The following HMCN1 variants were observed in gnomAD, a reference collection of about 807,000 sequenced individuals.
The protein encoded by HMCN1 is hemicentin 1, also known as hemicentin-1.
In HMCN1, 321 loss-of-function variants were observed where a neutral mutation model predicts 625.9. That is an observed-to-expected ratio of 0.51 (90% CI 0.47 to 0.56). The LOEUF is 0.56. Among genes scored for constraint, HMCN1 ranks in the 20% least tolerant of loss-of-function variants. The pLI, the probability that HMCN1 is intolerant of heterozygous loss-of-function variation, is 0.00. For missense variants in HMCN1, 6,588 were observed against 6,887.3 expected (o/e 0.96, Z 1.54); for synonymous variants, 2,425 against 2,417.6 (o/e 1.00, Z -0.09).
chr1:185,811,120 T>G (rs1380104380), intron 1 of HMCN1, among the ~76,000 whole-genome samples: 1 of 152,160 alleles, frequency 6.6e-6, no homozygotes, highest in Non-Finnish European at 1.5e-5. Flanking sequence ...CTACATGTCC[T>G]TACATATAGG....
intron 11 of HMCN1, among the ~76,000 whole-genome samples, chr1:185,945,430 A>G (rs575970982): frequency 6.6e-6 from 1 of 152,212 alleles, no homozygotes; most frequent in East Asian, 1.9e-4. Context: ...CACAAAAAAA[A>G]TTGTCAGGCT....
intron 1 of HMCN1, among the ~76,000 whole-genome samples, chr1:185,761,508 A>G (rs1655504342): frequency 6.6e-6 from 1 of 152,162 alleles, no homozygotes; most frequent in South Asian, 2.1e-4. Flanking sequence ...ATCTCAACTC[A>G]TTCACTTTTC....
At chr1:185,803,278 AAAGAT>A (rs1457512529) in intron 1 of HMCN1, among the ~76,000 whole-genome samples, 1 of 151,182 alleles carries the variant, frequency 6.6e-6, no homozygotes, top group African/African-American at 2.4e-5. Context: ...TAAAAAAGGG[AAAGAT>A]AAGGTCCTGT....
intron 9 of HMCN1, among the ~76,000 whole-genome samples, chr1:185,926,481 A>C (rs1046191523): frequency 6.6e-6 from 1 of 152,212 alleles, no homozygotes; most frequent in African/African-American, 2.4e-5. Flanking sequence ...AAATCAAATA[A>C]TTCTGTTTTA....
chr1:185,769,034 G>C (rs190854590), intron 1 of HMCN1, among the ~76,000 whole-genome samples: 2 of 152,228 alleles, frequency 1.3e-5, no homozygotes, highest in Admixed American at 1.3e-4. Context: ...TGAATTAATA[G>C]AATTTTAAAT....
At chr1:186,012,832 A>C (rs1654091630) in intron 30 of HMCN1, among the ~76,000 whole-genome samples, 1 of 152,178 alleles carries the variant, frequency 6.6e-6, no homozygotes, top group African/African-American at 2.4e-5. Context: ...AAAATCGGGA[A>C]TATTGTGGTG....
chr1:185,988,928 T>C (rs929202388), intron 20 of HMCN1, among the ~76,000 whole-genome samples: 2 of 152,162 alleles, frequency 1.3e-5, no homozygotes, highest in African/African-American at 4.8e-5. Flanking sequence ...ATCCTTATCA[T>C]TGCTGTTCTC....
intron 19 of HMCN1, among the ~76,000 whole-genome samples, chr1:185,985,303 G>A (rs1651932398): frequency 6.6e-6 from 1 of 152,154 alleles, no homozygotes; most frequent in African/African-American, 2.4e-5. Flanking sequence ...CTGACAGATT[G>A]GATATGGTTG....
chr1:185,971,398 G>A (rs1015202224), intron 15 of HMCN1, among the ~76,000 whole-genome samples: 5 of 152,098 alleles, frequency 3.3e-5, no homozygotes, highest in African/African-American at 1.2e-4. Flanking sequence ...TCCCTTTTTT[G>A]TCTACCTCAT....
chr1:186,185,225 T>C (rs552955457), intron 105 of HMCN1, among the ~76,000 whole-genome samples: 3 of 152,346 alleles, frequency 2.0e-5, no homozygotes, highest in African/African-American at 4.8e-5. Flanking sequence ...ACCACTATCA[T>C]GGACCCCTGC....
At position 185,865,764 on chromosome 1, in the gene HMCN1, T is replaced by C. The variant is rs1663150520; in HGVS notation, c.522T>C (p.Asp174=). ...QSQVVFVLTG[D]CDDRTHIGYK... is the part of the protein sequence containing the mutation. ...AGGTCGTATTTGTTCTGACTGGAGA[T>C]TGTGATGACAGGACCCATATTGGAT... Residue 174 remains aspartate (D), a synonymous_variant, in exon 4 of 107, where the codon GAT becomes GAC. Coordinates refer to ENST00000271588, the MANE Select transcript of HMCN1 (RefSeq NM_031935.3). The C allele has an allele frequency of 5.0e-6, 8 of 1,611,936 alleles. No homozygotes were observed. Among genetic ancestry groups the C allele is most frequent in the African/African-American group, 1.3e-5 (1 of 74,722 alleles).
chr1:186,185,322 T>C (rs1318596896), intron 105 of HMCN1, among the ~76,000 whole-genome samples: 2 of 152,186 alleles, frequency 1.3e-5, no homozygotes, highest in Non-Finnish European at 2.9e-5. Context: ...ATTTTTTTAA[T>C]GCGAGAAGGA....
intron 95 of HMCN1, 112 bp downstream of exon 95, chr1:186,151,855 CT>C: frequency 9.1e-7 from 1 of 1,104,044 alleles, no homozygotes; most frequent in Non-Finnish European, 1.3e-6. Context: ...TTTACGCAAT[CT>C]TATAAGTGAT....
At chr1:185,853,593 A>G (rs1194959272) in intron 2 of HMCN1, among the ~76,000 whole-genome samples, 1 of 152,142 alleles carries the variant, frequency 6.6e-6, no homozygotes, top group Non-Finnish European at 1.5e-5. Flanking sequence ...CTACATCCCC[A>G]GAGAACAAGG....
chr1:186,151,171 T>C (rs775363606), intron 93 of HMCN1, 29 bp from the exon 94 acceptor site: 4 of 1,612,412 alleles, frequency 2.5e-6, no homozygotes, highest in South Asian at 1.1e-5. Flanking sequence ...TGCATCCTTA[T>C]CCAGGAATGT....
chr1:186,088,936 T>C (rs1659686579), intron 63 of HMCN1, among the ~76,000 whole-genome samples, 181 bp downstream of exon 63: 1 of 152,070 alleles, frequency 6.6e-6, no homozygotes, highest in Non-Finnish European at 1.5e-5. Flanking sequence ...GAAATGGACA[T>C]AAATGTGGAA....
At position 186,104,362 on chromosome 1, in the gene HMCN1, C is replaced by T. The variant is rs116520685; in HGVS notation, c.10770+694C>T. Among the ~76,000 whole-genome samples, 500 of 152,184 alleles carry T rather than the reference C, an allele frequency of 3.3e-3. 6 individuals are homozygous for T. Among genetic ancestry groups the T allele is most frequent in the African/African-American group, 0.011 (474 of 41,508 alleles). ...GATGTGCTTAGACTGGTGCCACAGGCATGTAGTAAATGCTTTCAAAAAAAG... is the reference window on the plus strand; with the variant it reads ...GATGTGCTTAGACTGGTGCCACAGGTATGTAGTAAATGCTTTCAAAAAAAG... On this transcript the variant is annotated intron_variant, in intron 69 of 106. Coordinates refer to ENST00000271588, the MANE Select transcript of HMCN1 (RefSeq NM_031935.3).
chr1:186,136,879 A>G lies in HMCN1; in HGVS notation c.13524A>G (p.Glu4508=). 6.2e-7 allele frequency: 1 copy of G among 1,614,064 alleles called. No individual in the cohort carries two copies. Among genetic ancestry groups the G allele is most frequent in the South Asian group, 1.1e-5 (1 of 91,080 alleles). Residue 4508 remains glutamate (E), a synonymous_variant, in exon 87 of 107, where the codon GAA becomes GAG. Coordinates refer to ENST00000271588, the MANE Select transcript of HMCN1 (RefSeq NM_031935.3). ...DAQKEDTSEF[E]CVARNLMGSV... Reference sequence around the variant, plus strand: ...AGAAAGAAGATACCTCTGAATTTGAATGTGTTGCTCGAAACTTAATGGGTT... The same window carrying G: ...AGAAAGAAGATACCTCTGAATTTGAGTGTGTTGCTCGAAACTTAATGGGTT...
At chr1:186,109,689 G>A (rs1660787445) in intron 71 of HMCN1, among the ~76,000 whole-genome samples, 1 of 152,224 alleles carries the variant, frequency 6.6e-6, no homozygotes, top group African/African-American at 2.4e-5. Flanking sequence ...TGAGGCCAGA[G>A]AAGAAAGTGA....
Sources: allele counts gnomAD v4.1 joint callset (sites outside exome capture counted in the v4.1 genomes callset), GRCh38; gene constraint gnomAD v4.1.1; transcripts MANE v1.5; gene names NCBI Gene and HGNC (gene_info 2026-07-23, HGNC 2026-07-21).